FAM78B: variants seen among roughly 807,000 people sequenced by gnomAD.
FAM78B encodes the protein family with sequence similarity 78 member B.
FAM78B carries 10 observed loss-of-function variants against 20.0 expected under a neutral mutation model. That is an observed-to-expected ratio of 0.50 (90% CI 0.31 to 0.85). The LOEUF is 0.85. Among genes scored for constraint, FAM78B ranks in the 40% least tolerant of loss-of-function variants. The pLI is 0.05. For missense variants in FAM78B, 283 were observed against 345.0 expected, an observed-to-expected ratio of 0.82 and a Z score of 1.42; for synonymous variants, 135 against 132.8, an observed-to-expected ratio of 1.02 and a Z score of -0.12.
intron 1 of FAM78B, among the ~76,000 whole-genome samples, chr1:166,099,668 AACAG>A (rs144079127): frequency 0.027 from 4,141 of 152,348 alleles, 257 homozygotes; most frequent in Admixed American, 0.14. Context: ...CAGCAGTTAA[AACAG>A]ACAAAGAGGG....
At chr1:166,099,163 G>T (rs1653402481) in intron 1 of FAM78B, among the ~76,000 whole-genome samples, 1 of 152,102 alleles carries the variant, frequency 6.6e-6, no homozygotes, top group Non-Finnish European at 1.5e-5. Context: ...ACATATGAAG[G>T]AAAGATACAG....
chr1:166,126,313 T>G (rs1339990764), intron 1 of FAM78B, among the ~76,000 whole-genome samples: 4 of 152,156 alleles, frequency 2.6e-5, no homozygotes, highest in Non-Finnish European at 5.9e-5. Flanking sequence ...TATTGGACAC[T>G]TGGGAAACAG....
chr1:166,160,010 T>C (rs1156804246), intron 1 of FAM78B, among the ~76,000 whole-genome samples: 1 of 152,254 alleles, frequency 6.6e-6, no homozygotes, highest in Non-Finnish European at 1.5e-5. Context: ...CCAGTGTTTC[T>C]GCTGAGAAGC....
intron 1 of FAM78B, among the ~76,000 whole-genome samples, chr1:166,161,884 A>G (rs1304047836): frequency 6.6e-6 from 1 of 152,196 alleles, no homozygotes; most frequent in Admixed American, 6.5e-5. Context: ...TCATGTCATC[A>G]TTGTGCGAAG....
downstream of FAM78B, among the ~76,000 whole-genome samples, chr1:166,057,105 T>C (rs1651375375): frequency 1.3e-5 from 2 of 152,310 alleles, no homozygotes; most frequent in Non-Finnish European, 2.9e-5. Flanking sequence ...TACATTTCTG[T>C]TGTTTATAGG....
At position 166,137,564 on chromosome 1, in the gene FAM78B, A is replaced by C. The variant is rs536312817; in HGVS notation, c.263+28422T>G. Among the ~76,000 whole-genome samples, 3 of 152,192 alleles carry C rather than the reference A, an allele frequency of 2.0e-5. No individual in the cohort carries two copies. In the South Asian group the frequency reaches 6.2e-4, roughly 32 times the overall value. ...ATACTAGTTATACTATAGCTCCACA[A>C]GTATGGATAAATGTGCTCCCTGTGA... is the stretch of plus-strand genomic sequence containing the variant. On this transcript the variant is annotated intron_variant, in intron 1 of 1. Transcript: ENST00000354422.
chr1:166,113,487 A>G (rs951323243), intron 1 of FAM78B, among the ~76,000 whole-genome samples: 3 of 152,232 alleles, frequency 2.0e-5, no homozygotes, highest in Admixed American at 2.0e-4. Flanking sequence ...TAAGCATACA[A>G]CTAAATTTAT....
Position 166,070,333 on chromosome 1 carries a change from T to A in FAM78B, c.694A>T (p.Asn232Tyr), listed in dbSNP as rs1651970170. Residue 232 changes from asparagine to tyrosine, a missense_variant, in exon 2 of 2, where the codon AAT becomes TAT. Physicochemically the swap from Asn to Tyr is moderately radical, Grantham distance 143. Transcript: ENST00000354422. ...ILSRMEPIPP[N>Y]ALVKPNANDA... is the part of the protein sequence containing the mutation. The stretch of plus-strand genomic sequence containing the variant: ...TTGGCATTGGGTTTCACTAGTGCAT[T>A]AGGGGGGATGGGTTCCATCCGGCTC... 6.2e-7 allele frequency: 1 copy of A among 1,609,588 alleles called. No homozygotes were observed. Among genetic ancestry groups the A allele is most frequent in the African/African-American group, 1.3e-5 (1 of 74,874 alleles).
intron 1 of FAM78B, among the ~76,000 whole-genome samples, chr1:166,092,765 T>G (rs894265192): frequency 6.6e-6 from 1 of 152,228 alleles, no homozygotes; most frequent in Non-Finnish European, 1.5e-5. Flanking sequence ...TTTGATGACA[T>G]CTGTCTAGTT....
chr1:166,089,708 A>C (rs1652988700), intron 1 of FAM78B, among the ~76,000 whole-genome samples: 1 of 150,668 alleles, frequency 6.6e-6, no homozygotes, highest in Admixed American at 6.6e-5. Flanking sequence ...AATAAGAGAG[A>C]GCTCTGGAAT....
intron 1 of FAM78B, among the ~76,000 whole-genome samples, chr1:166,149,480 A>G (rs977506429): frequency 6.6e-5 from 10 of 152,182 alleles, no homozygotes; most frequent in African/African-American, 1.9e-4. Flanking sequence ...CCCCTTTTCC[A>G]GTATCAGCTA....
intron 1 of FAM78B, among the ~76,000 whole-genome samples, chr1:166,120,607 C>T (rs137896460): frequency 6.6e-6 from 1 of 152,296 alleles, no homozygotes; most frequent in East Asian, 1.9e-4. Context: ...GACAACAGTG[C>T]TCATTTGGAT....
rs5778486 is a variant in FAM78B, at chr1:166,133,601, TA to T, written c.263+32384del. ...ATTAATCTGTAAAGTTGAGCAATCTTAAAAAAAAAAAAGAACCGTAAATATA... is the reference window on the plus strand; with the variant it reads ...ATTAATCTGTAAAGTTGAGCAATCTTAAAAAAAAAAAGAACCGTAAATATA... On this transcript the variant is annotated intron_variant, in intron 1 of 1. Coordinates refer to ENST00000354422, the MANE Select transcript of FAM78B (RefSeq NM_001017961.5). 9.2e-3 allele frequency among the ~76,000 whole-genome samples: 1,362 copies of T among 148,658 alleles called. 17 individuals are homozygous for T. Among genetic ancestry groups the T allele is most frequent in the African/African-American group, 0.031 (1,259 of 40,646 alleles).
intron 1 of FAM78B, among the ~76,000 whole-genome samples, chr1:166,135,716 T>C (rs1410822863): frequency 6.6e-6 from 1 of 152,170 alleles, no homozygotes; most frequent in Non-Finnish European, 1.5e-5. Flanking sequence ...TCCACCATGG[T>C]CTCAGGGTTC....
At chr1:166,109,114 C>T (rs1653898489) in intron 1 of FAM78B, among the ~76,000 whole-genome samples, 1 of 152,064 alleles carries the variant, frequency 6.6e-6, no homozygotes, top group African/African-American at 2.4e-5. Context: ...GATTTCATGA[C>T]CAAGAACCCA....
chr1:166,142,346 C>T (rs192672772), intron 1 of FAM78B, among the ~76,000 whole-genome samples: 3 of 152,266 alleles, frequency 2.0e-5, no homozygotes, highest in Admixed American at 2.0e-4. Context: ...TTCTGGGTGA[C>T]AGCTACCACC....
rs556771447 is a variant in FAM78B, at chr1:166,102,952, T to C, written c.264-32189A>G. On this transcript the variant is annotated intron_variant, in intron 1 of 1. Coordinates refer to ENST00000354422, the MANE Select transcript of FAM78B (RefSeq NM_001017961.5). ...ACCTATTCCAAAATTGACCACATAGTTGGAAGTAAAGCACTCCTCAGCAAA... is the reference window on the plus strand; with the variant it reads ...ACCTATTCCAAAATTGACCACATAGCTGGAAGTAAAGCACTCCTCAGCAAA... 5.3e-5 allele frequency among the ~76,000 whole-genome samples: 8 copies of C among 152,308 alleles called. No homozygotes were observed. In the East Asian group the frequency reaches 5.8e-4, roughly 11 times the overall value.
intron 1 of FAM78B, among the ~76,000 whole-genome samples, chr1:166,095,854 G>A (rs1051631017): frequency 4.6e-5 from 7 of 152,220 alleles, no homozygotes; most frequent in African/African-American, 1.7e-4. Flanking sequence ...CAGTGGCACA[G>A]AGGAGTAAGG....
chr1:166,145,393 G>A (rs1417928200), intron 1 of FAM78B, among the ~76,000 whole-genome samples: 2 of 152,192 alleles, frequency 1.3e-5, no homozygotes, highest in African/African-American at 4.8e-5. Context: ...GGGTGCATTA[G>A]GGCATCCTGT....
Sources: allele counts gnomAD v4.1 joint callset (sites outside exome capture counted in the v4.1 genomes callset), GRCh38; gene constraint gnomAD v4.1.1; transcripts MANE v1.5; gene names NCBI Gene and HGNC (gene_info 2026-07-23, HGNC 2026-07-21).